Variants in FTO observed in about 807,000 individuals in gnomAD.
The protein encoded by FTO is FTO alpha-ketoglutarate dependent dioxygenase.
In FTO, 47 loss-of-function variants were observed where a neutral mutation model predicts 63.9. The ratio of observed to expected loss-of-function variants is 0.74; its 90% CI spans 0.58 to 0.94. The LOEUF (loss-of-function observed/expected upper bound fraction) is 0.94. Among genes scored for constraint, FTO ranks in the 40% least tolerant of loss-of-function variants. The pLI is 0.00. For synonymous variants in FTO, 207 were observed against 224.4 expected, an observed-to-expected ratio of 0.92 and a Z score of 0.69; for missense variants, 562 against 618.1, an observed-to-expected ratio of 0.91 and a Z score of 0.96.
At chr16:53,941,645 G>A (rs1394052060) in intron 8 of FTO, among the ~76,000 whole-genome samples, 1 of 152,080 alleles carries the variant, frequency 6.6e-6, no homozygotes, top group Non-Finnish European at 1.5e-5. Context: ...TCAGGAGTTC[G>A]AGAACAGCCA....
Position 54,055,539 on chromosome 16 carries a change from A to G in FTO, c.1365-56223A>G, listed in dbSNP as rs79174050. Among the ~76,000 whole-genome samples, 34 of 152,284 alleles carry G rather than the reference A, an allele frequency of 2.2e-4. No individual in the cohort carries two copies. The East Asian group carries it at 6.6e-3, about 29-fold the overall frequency. On this transcript the variant is annotated intron_variant, in intron 8 of 8. Coordinates refer to ENST00000471389, the MANE Select transcript of FTO (RefSeq NM_001080432.3). The stretch of plus-strand genomic sequence containing the variant: ...GATATATAGGAATTAAAAAGAGATA[A>G]CGTAAACACTAACAAAGAGTCTTAA...
At chr16:53,964,593 A>G (rs939073077) in intron 8 of FTO, among the ~76,000 whole-genome samples, 2 of 152,158 alleles carry the variant, frequency 1.3e-5, no homozygotes, top group African/African-American at 4.8e-5. Context: ...TGTTCTTTCC[A>G]TTAAATGTGT....
chr16:53,742,126 G>C (rs2076542501), intron 1 of FTO, among the ~76,000 whole-genome samples: 1 of 152,176 alleles, frequency 6.6e-6, no homozygotes, highest in Non-Finnish European at 1.5e-5. Flanking sequence ...TTTGTTAGAA[G>C]TGAATTTCTA....
Position 54,112,055 on chromosome 16 carries a change from G to A in FTO, c.*140G>A. The A allele has an allele frequency of 1.2e-6, 1 of 853,888 alleles. No homozygotes were observed. Among genetic ancestry groups the A allele is most frequent in the Non-Finnish European group, 2.0e-6 (1 of 510,858 alleles). 52.9% of individuals were successfully genotyped at this position (853,888 alleles called of 1,614,324 possible). A position where few individuals can be genotyped will look rare whatever the true frequency, so the allele number is the denominator to read the frequency against. On this transcript the variant is annotated 3_prime_UTR_variant, in exon 9 of 9. Transcript: ENST00000471389. ...CCGGGTCCCAATCCAAAACAGCTAG[G>A]AAATGGTGCCCATGAAGTTTTAAAT...
intron 1 of FTO, among the ~76,000 whole-genome samples, chr16:53,750,815 G>T (rs777049086): frequency 6.6e-6 from 1 of 152,174 alleles, no homozygotes; most frequent in Admixed American, 6.5e-5. Flanking sequence ...TGGCAACACA[G>T]TAGAAGATCA....
At chr16:54,103,840 A>AT (rs2086689987) in intron 8 of FTO, among the ~76,000 whole-genome samples, 1 of 152,080 alleles carries the variant, frequency 6.6e-6, no homozygotes, top group Non-Finnish European at 1.5e-5. Flanking sequence ...TAGACTGCAA[A>AT]TTTTTTTCAC....
intron 8 of FTO, among the ~76,000 whole-genome samples, chr16:54,104,405 C>T (rs949253470): frequency 3.3e-5 from 5 of 151,518 alleles, no homozygotes; most frequent in African/African-American, 9.7e-5. Flanking sequence ...CTCTGCCTCC[C>T]GGGTTCAAGT....
intron 3 of FTO, among the ~76,000 whole-genome samples, chr16:53,837,331 G>T (rs1363034834): frequency 1.3e-5 from 2 of 152,198 alleles, no homozygotes; most frequent in African/African-American, 4.8e-5. Flanking sequence ...ACATGATGTT[G>T]AAGGGCTTTA....
At chr16:53,844,926 T>C (rs1240565566) in intron 4 of FTO, among the ~76,000 whole-genome samples, 60 of 150,784 alleles carry the variant, frequency 4.0e-4, no homozygotes, top group Admixed American at 4.0e-3. Context: ...TTTTTTTTTT[T>C]CTTCTAGTTT....
chr16:54,069,264 G>GC (rs1299324319), intron 8 of FTO, among the ~76,000 whole-genome samples: 17 of 152,124 alleles, frequency 1.1e-4, no homozygotes, highest in African/African-American at 4.1e-4. Flanking sequence ...GCCAGCTGGG[G>GC]CCGTCTGCAC....
At chr16:53,750,951 T>C (rs2076775019) in intron 1 of FTO, among the ~76,000 whole-genome samples, 1 of 152,262 alleles carries the variant, frequency 6.6e-6, no homozygotes, top group Non-Finnish European at 1.5e-5. Flanking sequence ...TCTTCCTCTG[T>C]GCTTGTGGGT....
At chr16:53,980,223 C>T (rs1262376451) in intron 8 of FTO, among the ~76,000 whole-genome samples, 1 of 152,298 alleles carries the variant, frequency 6.6e-6, no homozygotes, top group Admixed American at 6.5e-5. Context: ...CTGGATTTCT[C>T]TCACACTCTT....
intron 8 of FTO, among the ~76,000 whole-genome samples, chr16:54,015,295 C>T (rs775474927): frequency 6.6e-5 from 10 of 152,206 alleles, no homozygotes; most frequent in Non-Finnish European, 1.5e-4. Flanking sequence ...AACATTACGT[C>T]ACCACAAGGG....
intron 3 of FTO, among the ~76,000 whole-genome samples, chr16:53,834,275 C>T (rs987549825): frequency 6.6e-6 from 1 of 152,124 alleles, no homozygotes; most frequent in Non-Finnish European, 1.5e-5. Flanking sequence ...CCACCTGTCT[C>T]GGCCTCCCAA....
At chr16:53,705,250 C>T (rs893682461) in intron 1 of FTO, among the ~76,000 whole-genome samples, 1 of 152,120 alleles carries the variant, frequency 6.6e-6, no homozygotes, top group Non-Finnish European at 1.5e-5. Flanking sequence ...CTGCCAACCA[C>T]CTGTTTAAAA....
At chr16:53,847,808 A>G (rs1205270600) in intron 4 of FTO, among the ~76,000 whole-genome samples, 1 of 152,152 alleles carries the variant, frequency 6.6e-6, no homozygotes, top group African/African-American at 2.4e-5. Context: ...AAAATATTAA[A>G]TAATGACATT....
chr16:53,820,887 C>T (rs2078847934), intron 2 of FTO, among the ~76,000 whole-genome samples: 1 of 151,964 alleles, frequency 6.6e-6, no homozygotes, highest in Admixed American at 6.6e-5. Context: ...AAGAGCTGGA[C>T]ACTTGAGGAC....
chr16:53,735,294 C>T (rs2076366257), intron 1 of FTO, among the ~76,000 whole-genome samples: 1 of 152,196 alleles, frequency 6.6e-6, no homozygotes, highest in Non-Finnish European at 1.5e-5. Flanking sequence ...TAGGTTATTG[C>T]TAGACACAGG....
intron 8 of FTO, among the ~76,000 whole-genome samples, chr16:53,976,029 G>T (rs1370029313): frequency 1.3e-5 from 2 of 152,122 alleles, no homozygotes; most frequent in African/African-American, 2.4e-5. Flanking sequence ...AAATAGCAAA[G>T]TTCCCTGGCT....
Sources: gnomAD v4.1 joint callset for allele counts (sites outside exome capture counted in the v4.1 genomes callset) on GRCh38, gnomAD v4.1.1 for gene constraint, MANE v1.5 for transcripts, NCBI Gene and HGNC (gene_info 2026-07-23, HGNC 2026-07-21) for gene names.